The following SEMA6A variants were observed in gnomAD, a reference collection of about 807,000 sequenced individuals.
The protein encoded by SEMA6A is semaphorin 6A.
A neutral mutation model predicts 96.8 loss-of-function variants in SEMA6A; 25 were observed. The ratio of observed to expected loss-of-function variants is 0.26; its 90% CI spans 0.19 to 0.36. The LOEUF is 0.36. Ranked by LOEUF, SEMA6A falls within the 10% of genes least tolerant of loss-of-function variation. The pLI is 1.00. For missense variants in SEMA6A, 1,363 were observed against 1,323.1 expected, an observed-to-expected ratio of 1.03 and a Z score of -0.47; for synonymous variants, 612 against 518.0, an observed-to-expected ratio of 1.18 and a Z score of -2.46.
intron 18 of SEMA6A, chr5:116,449,468 C>T: frequency 3.2e-6 from 2 of 634,356 alleles, no homozygotes; most frequent in Non-Finnish European, 5.7e-6. Flanking sequence ...CAACACGCAA[C>T]CTTAAACTTC....
At chr5:116,451,148 G>A (rs1056665633) in intron 18 of SEMA6A, among the ~76,000 whole-genome samples, 4 of 152,184 alleles carry the variant, frequency 2.6e-5, no homozygotes, top group Non-Finnish European at 4.4e-5. Flanking sequence ...GTAGCATGAG[G>A]TGAACACACC....
intron 1 of SEMA6A, among the ~76,000 whole-genome samples, chr5:116,569,981 T>C (rs1225640241): frequency 6.6e-6 from 1 of 152,188 alleles, no homozygotes; most frequent in Non-Finnish European, 1.5e-5. Context: ...ATTATGGTTT[T>C]ATATGATACC....
rs151183092 is a variant in SEMA6A, at chr5:116,449,463, C to T, written c.1895-1652G>A. ...TCTACCCCTTCCCAAGCCCACAACA[C>T]GCAACCTTAAACTTCTACTGAAATG... is the stretch of plus-strand genomic sequence containing the variant. On this transcript the variant is annotated intron_variant, in intron 18 of 18. Coordinates refer to ENST00000343348, the MANE Select transcript of SEMA6A (RefSeq NM_020796.5). 389 of 658,030 alleles carry T rather than the reference C, an allele frequency of 5.9e-4. 2 individuals are homozygous for T. In the African/African-American group the frequency reaches 6.1e-3, roughly 10 times the overall value. 40.8% of individuals were successfully genotyped at this position (658,030 alleles called of 1,614,324 possible).
intron 18 of SEMA6A, among the ~76,000 whole-genome samples, chr5:116,465,110 A>T (rs1235881762): frequency 6.6e-6 from 1 of 152,150 alleles, no homozygotes; most frequent in East Asian, 1.9e-4. Flanking sequence ...AAAACCCATG[A>T]AACTCTTGCA....
intron 1 of SEMA6A, among the ~76,000 whole-genome samples, chr5:116,505,515 A>G (rs1159453905): frequency 6.6e-6 from 1 of 151,632 alleles, no homozygotes; most frequent in Non-Finnish European, 1.5e-5. Flanking sequence ...ACTAATTTCC[A>G]TTACCTGCTT....
chr5:116,488,093 A>G lies in SEMA6A; in HGVS notation c.744+15T>C, dbSNP rs1479097853. The stretch of plus-strand genomic sequence containing the variant: ...AAATGTTACAAACTGAGCCAAGGAC[A>G]GCATCCCCTCTTACCTTTCCCATGG... On this transcript the variant is annotated intron_variant, in intron 9 of 18. Transcript: ENST00000343348. 3 of 1,536,394 alleles carry G rather than the reference A, an allele frequency of 2.0e-6. No individual in the cohort carries two copies. The highest frequency in any genetic ancestry group is 2.7e-6 in the Non-Finnish European group (3 of 1,112,738).
At chr5:116,529,647 C>T (rs1171331962) in intron 1 of SEMA6A, among the ~76,000 whole-genome samples, 3 of 152,058 alleles carry the variant, frequency 2.0e-5, no homozygotes, top group Admixed American at 1.3e-4. Flanking sequence ...GAAGAATTTC[C>T]ACAAATCCAC....
intron 10 of SEMA6A, among the ~76,000 whole-genome samples, chr5:116,485,655 A>C (rs1039448698): frequency 6.6e-6 from 1 of 152,128 alleles, no homozygotes; most frequent in Non-Finnish European, 1.5e-5. Flanking sequence ...CTTTAGTTTT[A>C]TCATTTTGGT....
chr5:116,497,252 A>G, intron 4 of SEMA6A, 75 bp downstream of exon 4: 1 of 876,448 alleles, frequency 1.1e-6, no homozygotes, highest in East Asian at 2.6e-5. Flanking sequence ...ATCTTAATGC[A>G]CTTAAAATAC....
intron 1 of SEMA6A, among the ~76,000 whole-genome samples, chr5:116,543,799 G>A (rs1319715374): frequency 6.6e-6 from 1 of 152,218 alleles, no homozygotes; most frequent in Admixed American, 6.5e-5. Flanking sequence ...GGATAATGTG[G>A]TCAAGCCTCA....
At chr5:116,542,464 C>CT (rs1760013257) in intron 1 of SEMA6A, among the ~76,000 whole-genome samples, 1 of 152,146 alleles carries the variant, frequency 6.6e-6, no homozygotes, top group Non-Finnish European at 1.5e-5. Context: ...CTCGCTGTCC[C>CT]TTTGTCTTTC....
At chr5:116,567,810 A>G (rs1279652977) in intron 1 of SEMA6A, among the ~76,000 whole-genome samples, 2 of 152,236 alleles carry the variant, frequency 1.3e-5, no homozygotes, top group South Asian at 2.1e-4. Flanking sequence ...GGAAACTTCT[A>G]CTAGTCCTGG....
chr5:116,449,483 GA>G (rs1191554249), intron 18 of SEMA6A: 9 of 606,832 alleles, frequency 1.5e-5, no homozygotes, highest in Non-Finnish European at 2.4e-5. Context: ...AACTTCTACT[GA>G]AATGTTGTCT....
intron 10 of SEMA6A, 96 bp from the exon 11 acceptor site, chr5:116,482,671 G>A (rs1756844502): frequency 8.8e-6 from 11 of 1,253,278 alleles, no homozygotes; most frequent in Non-Finnish European, 1.1e-5. Flanking sequence ...TACAGCAAAT[G>A]AAATTTAAAG....
intron 18 of SEMA6A, among the ~76,000 whole-genome samples, chr5:116,458,938 A>G (rs1755192393): frequency 1.3e-5 from 2 of 152,126 alleles, no homozygotes; most frequent in African/African-American, 2.4e-5. Flanking sequence ...CACATCATCC[A>G]TTTGAGAGCC....
chr5:116,493,119 CAA>C (rs1418035131), intron 6 of SEMA6A, among the ~76,000 whole-genome samples: 1 of 152,140 alleles, frequency 6.6e-6, no homozygotes, highest in African/African-American at 2.4e-5. Context: ...CAAGAACAAG[CAA>C]GAGGTGACGG....
intron 1 of SEMA6A, among the ~76,000 whole-genome samples, chr5:116,569,946 G>C (rs919755078): frequency 6.6e-6 from 1 of 152,190 alleles, no homozygotes; most frequent in Non-Finnish European, 1.5e-5. Context: ...CTAAGCTGAA[G>C]AGGTTATTTG....
chr5:116,553,493 T>C (rs1760496018), intron 1 of SEMA6A, among the ~76,000 whole-genome samples: 2 of 152,140 alleles, frequency 1.3e-5, no homozygotes, highest in African/African-American at 4.8e-5. Context: ...CACAGGACTG[T>C]GTGGCGCTGC....
At chr5:116,472,216 A>G (rs886424075) in intron 17 of SEMA6A, 1 of 152,218 alleles carries the variant, frequency 6.6e-6, no homozygotes, top group Admixed American at 6.5e-5. Flanking sequence ...AGTTCAGAAT[A>G]TTCTGTTTAT....
Sources: allele counts gnomAD v4.1 joint callset (sites outside exome capture counted in the v4.1 genomes callset), GRCh38; gene constraint gnomAD v4.1.1; transcripts MANE v1.5; gene names NCBI Gene and HGNC (gene_info 2026-07-23, HGNC 2026-07-21).